Variants in GYPE observed in about 807,000 individuals in gnomAD.
The protein encoded by GYPE is glycophorin E (MNS blood group).
GYPE carries 8 observed loss-of-function variants against 11.6 expected under a neutral mutation model. That is an observed-to-expected ratio of 0.69 (90% CI 0.41 to 1.25). The LOEUF is 1.25. Ranked by LOEUF, GYPE falls within the 50% of genes most tolerant of loss-of-function variation. The probability of loss-of-function intolerance (pLI) is 0.01; values close to 1 mark genes in which losing one functional copy is unlikely to be tolerated. For missense variants in GYPE, 90 were observed against 92.8 expected (o/e 0.97, Z 0.12); for synonymous variants, 28 against 29.6 (o/e 0.94, Z 0.18).
At chr4:143,881,639 G>T (rs1308958378) in intron 1 of GYPE, among the ~76,000 whole-genome samples, 6 of 152,168 alleles carry the variant, frequency 3.9e-5, no homozygotes, top group African/African-American at 1.4e-4. Flanking sequence ...TCTTCTATGA[G>T]AAGATTTTTA....
chr4:143,889,493 G>T (rs1173026061), intron 1 of GYPE, among the ~76,000 whole-genome samples: 1 of 152,106 alleles, frequency 6.6e-6, no homozygotes, highest in Non-Finnish European at 1.5e-5. Flanking sequence ...TCTAAGATGA[G>T]AGTAGTGGAA....
At chr4:143,878,436 C>T (rs1301753382) in intron 2 of GYPE, among the ~76,000 whole-genome samples, 1 of 152,028 alleles carries the variant, frequency 6.6e-6, no homozygotes, top group Non-Finnish European at 1.5e-5. Context: ...GCCCCTGGCC[C>T]CCAAAATGTT....
chr4:143,876,826 C>T lies in GYPE; in HGVS notation c.166G>A (p.Ala56Thr). ...AGCATCACCTCAAAAATAACACGAG[C>T]CATCGCCCACCAATTAATGAGTGTT... is the stretch of plus-strand genomic sequence containing the variant. Reference protein sequence around the residue: ...GITLINWWAMARVIFEVMLVV... With the variant: ...GITLINWWAMTRVIFEVMLVV... Residue 56 changes from alanine to threonine, a missense_variant, in exon 3 of 4, where the codon GCT becomes ACT. Coordinates refer to ENST00000358615, the MANE Select transcript of GYPE (RefSeq NM_198682.3). 6.2e-7 allele frequency: 1 copy of T among 1,609,860 alleles called. No individual in the cohort carries two copies. The highest frequency in any genetic ancestry group is 8.5e-7 in the Non-Finnish European group (1 of 1,176,808).
chr4:143,889,878 G>A (rs1289827186), intron 1 of GYPE, among the ~76,000 whole-genome samples: 3 of 152,090 alleles, frequency 2.0e-5, no homozygotes, highest in South Asian at 4.1e-4. Flanking sequence ...AACATTGCCC[G>A]ACTTGCTTAA....
intron 1 of GYPE, among the ~76,000 whole-genome samples, chr4:143,889,267 A>T (rs945630722): frequency 1.6e-4 from 25 of 151,918 alleles, no homozygotes; most frequent in African/African-American, 4.1e-4. Context: ...ACTGTCCCAA[A>T]CCATTGCTGA....
chr4:143,884,817 C>A (rs28478707), intron 1 of GYPE, among the ~76,000 whole-genome samples: 1 of 37,848 alleles, frequency 2.6e-5, no homozygotes, highest in Non-Finnish European at 5.8e-5. Flanking sequence ...GAGAGGAATA[C>A]AGAAATGGGT....
At chr4:143,873,561 A>C in intron 3 of GYPE, 1 of 428,194 alleles carries the variant, frequency 2.3e-6, no homozygotes, top group South Asian at 1.7e-5. Context: ...TCTCTAATAT[A>C]TGATGCTCTG....
chr4:143,876,064 A>T (rs995448411), intron 3 of GYPE, among the ~76,000 whole-genome samples: 1 of 152,060 alleles, frequency 6.6e-6, no homozygotes, highest in African/African-American at 2.4e-5. Context: ...AATCTGTTGC[A>T]AAATATGTGA....
At chr4:143,893,374 G>A (rs1578971501) in intron 1 of GYPE, among the ~76,000 whole-genome samples, 1 of 139,212 alleles carries the variant, frequency 7.2e-6, no homozygotes, top group Non-Finnish European at 1.6e-5. Context: ...TGGTGATTTT[G>A]CTCATTAGTT....
At chr4:143,896,604 C>A (rs1262113517) in intron 1 of GYPE, among the ~76,000 whole-genome samples, 2 of 152,154 alleles carry the variant, frequency 1.3e-5, no homozygotes, top group Non-Finnish European at 2.9e-5. Flanking sequence ...TGTGGCGATT[C>A]CTCAGGGATC....
intron 1 of GYPE, among the ~76,000 whole-genome samples, chr4:143,895,689 G>A (rs989834791): frequency 2.0e-4 from 27 of 136,454 alleles, no homozygotes; most frequent in African/African-American, 4.3e-4. Context: ...AAAAGAGCCC[G>A]CATTGCCAAG....
chr4:143,874,952 A>G (rs1377260427), intron 3 of GYPE, among the ~76,000 whole-genome samples: 1 of 152,208 alleles, frequency 6.6e-6, no homozygotes, highest in Non-Finnish European at 1.5e-5. Context: ...TGGATGCTAA[A>G]GTAAGCCTAT....
chr4:143,891,667 T>A (rs1214264221), intron 1 of GYPE, among the ~76,000 whole-genome samples: 2 of 152,148 alleles, frequency 1.3e-5, no homozygotes, highest in Non-Finnish European at 2.9e-5. Context: ...GTAAAAATCA[T>A]TTGTAACTTG....
At chr4:143,889,487 A>G (rs1353160300) in intron 1 of GYPE, among the ~76,000 whole-genome samples, 7 of 152,124 alleles carry the variant, frequency 4.6e-5, no homozygotes, top group Non-Finnish European at 8.8e-5. Flanking sequence ...CTGGCCTCTA[A>G]GATGAGAGTA....
intron 2 of GYPE, 33 bp from the exon 3 acceptor site, chr4:143,876,888 A>C: frequency 8.2e-7 from 1 of 1,222,298 alleles, no homozygotes; most frequent in Non-Finnish European, 1.2e-6. Flanking sequence ...CAAAATTATG[A>C]AAGTCTGAAA....
intron 3 of GYPE, chr4:143,875,612 G>A: frequency 6.6e-7 from 1 of 1,523,746 alleles, no homozygotes; most frequent in South Asian, 1.2e-5. Context: ...TTCATAGGGT[G>A]TAGCCAATTG....
intron 1 of GYPE, 78 bp from the exon 2 acceptor site, chr4:143,880,587 A>C (rs1743987630): frequency 6.2e-7 from 1 of 1,607,172 alleles, no homozygotes; most frequent in African/African-American, 1.3e-5. Flanking sequence ...CAAAAGACAA[A>C]TTCCCTCACA....
chr4:143,889,203 G>A (rs550521229), intron 1 of GYPE, among the ~76,000 whole-genome samples: 19 of 152,028 alleles, frequency 1.2e-4, no homozygotes, highest in Admixed American at 1.1e-3. Context: ...CTTCCCTTCA[G>A]GAAGCCTGAA....
Position 143,871,657 on chromosome 4 carries a change from A to C in GYPE, c.*605T>G, listed in dbSNP as rs1421528110. 6.6e-6 allele frequency: 1 copy of C among 152,210 alleles called. No individual in the cohort carries two copies. Among genetic ancestry groups the C allele is most frequent in the Non-Finnish European group, 1.5e-5 (1 of 68,054 alleles). The allele number at this position is 152,210 out of a possible 1,614,324, so 9.4% of individuals were successfully genotyped here. The stretch of plus-strand genomic sequence containing the variant: ...AGGATGCACTTCATTCTTAGAATCT[A>C]AGCAGGAACAGGAAAGGGAAAATCT... On this transcript the variant is annotated 3_prime_UTR_variant, in exon 4 of 4. Coordinates refer to ENST00000358615, the MANE Select transcript of GYPE (RefSeq NM_198682.3).
Sources: allele counts gnomAD v4.1 joint callset (sites outside exome capture counted in the v4.1 genomes callset), GRCh38; gene constraint gnomAD v4.1.1; transcripts MANE v1.5; gene names NCBI Gene and HGNC (gene_info 2026-07-23, HGNC 2026-07-21).